Variants in FYCO1 observed in about 807,000 individuals in gnomAD.
FYCO1 encodes the protein FYVE and coiled-coil domain-containing protein 1.
Under a neutral mutation model 165.1 loss-of-function variants are expected in FYCO1, and 122 were observed. The observed-to-expected ratio is 0.74, with a 90% confidence interval of 0.64 to 0.86. The LOEUF is 0.86. Among genes scored for constraint, FYCO1 ranks in the 40% least tolerant of loss-of-function variants. FYCO1 has a pLI of 0.00. For synonymous variants in FYCO1, 648 were observed against 742.5 expected, an observed-to-expected ratio of 0.87 and a Z score of 2.07; for missense variants, 1,702 against 1,810.3, an observed-to-expected ratio of 0.94 and a Z score of 1.09.
chr3:45,986,337 C>T (rs767314319), intron 1 of FYCO1, among the ~76,000 whole-genome samples: 7 of 152,166 alleles, frequency 4.6e-5, no homozygotes, highest in African/African-American at 7.2e-5. Flanking sequence ...TGTTCTAACA[C>T]ATGCCACCTC....
chr3:45,971,239 G>T (rs1395849290), intron 6 of FYCO1, among the ~76,000 whole-genome samples: 1 of 152,010 alleles, frequency 6.6e-6, no homozygotes, highest in African/African-American at 2.4e-5. Flanking sequence ...TGGGGAAAAA[G>T]AAAAAGATCT....
At chr3:45,923,787 C>T (rs1703197336) in intron 16 of FYCO1, 22 bp from the exon 17 acceptor site, 2 of 1,511,502 alleles carry the variant, frequency 1.3e-6, no homozygotes, top group Middle Eastern at 1.7e-4. Flanking sequence ...AGCAGGTAGG[C>T]AAAAACATCA....
At chr3:45,980,698 T>C (rs993410248) in intron 3 of FYCO1, among the ~76,000 whole-genome samples, 1 of 152,232 alleles carries the variant, frequency 6.6e-6, no homozygotes, top group African/African-American at 2.4e-5. Context: ...GATGTGACGT[T>C]GCAAAATAAT....
intron 17 of FYCO1, among the ~76,000 whole-genome samples, chr3:45,922,247 G>C (rs1184466341): frequency 6.6e-6 from 1 of 152,258 alleles, no homozygotes; most frequent in Non-Finnish European, 1.5e-5. Flanking sequence ...GATATCCATA[G>C]TTTGGAAATC....
Position 45,967,603 on chromosome 3 carries a change from C to T in FYCO1, c.1731G>A (p.Val577=), listed in dbSNP as rs1706145675. ...AGEKNEALVP[V]NSSLQEAWGK... ...CCCAGGCCTCTTGCAGACTGGAGTT[C>T]ACAGGGACCAGGGCCTCATTCTTCT... is the stretch of plus-strand genomic sequence containing the variant. The change falls in exon 8 of 18, where the codon GTG becomes GTA. Residue 577 remains valine, a synonymous_variant. Transcript: ENST00000296137. 2.5e-6 allele frequency: 4 copies of T among 1,614,106 alleles called. No individual in the cohort carries two copies. Among genetic ancestry groups the T allele is most frequent in the East Asian group, 4.5e-5 (2 of 44,872 alleles).
chr3:45,966,158 C>T (rs1705997678), intron 8 of FYCO1, 119 bp downstream of exon 8: 2 of 1,027,228 alleles, frequency 1.9e-6, no homozygotes, highest in East Asian at 2.4e-5. Context: ...TGTTTGCCTG[C>T]ACCCACAGTA....
chr3:45,966,375 G>A lies in FYCO1; in HGVS notation c.2959C>T (p.Gln987Ter), dbSNP rs1706015206. The stretch of plus-strand genomic sequence containing the variant: ...GCCTCTTGGAGGCTCTGGGCCCGCT[G>A]CTCTGCCTGGGCGAGCTGGGCCTGC... Reference protein sequence around the residue: ...GLQAQLAQAEQRAQSLQEAAH... With the variant: ...GLQAQLAQAE The change falls in exon 8 of 18, where the codon CAG (glutamine) becomes TAG (stop). Residue 987 changes from glutamine to a stop codon, truncating the protein, a stop_gained. Coordinates refer to ENST00000296137, the MANE Select transcript of FYCO1 (RefSeq NM_024513.4). LOFTEE classifies it high-confidence loss of function. 6.2e-7 allele frequency: 1 copy of A among 1,614,134 alleles called. No individual in the cohort carries two copies. The highest frequency in any genetic ancestry group is 2.2e-5 in the East Asian group (1 of 44,884).
In FYCO1 at chr3:45,958,627, CA is replaced by C; in HGVS notation, c.3588-9del. 2 of 1,613,688 alleles carry C rather than the reference CA, an allele frequency of 1.2e-6. No individual in the cohort carries two copies. Among genetic ancestry groups the C allele is most frequent in the Non-Finnish European group, 1.7e-6 (2 of 1,179,548 alleles). On this transcript the variant is annotated splice_polypyrimidine_tract_variant and intron_variant, in intron 12 of 17. Transcript: ENST00000296137. ...AAGATGCGGCCACATATCCTGGGAA[CA>C]AAACAAGCCCAGGCTGTGAGGATGA...
rs1006117763 is a variant in FYCO1, at chr3:45,980,078, G to A, written c.163-248C>T. 2.6e-5 allele frequency among the ~76,000 whole-genome samples: 4 copies of A among 152,340 alleles called. No homozygotes were observed. The South Asian group carries it at 6.2e-4, about 24-fold the overall frequency. On this transcript the variant is annotated intron_variant, in intron 3 of 17. Coordinates refer to ENST00000296137, the MANE Select transcript of FYCO1 (RefSeq NM_024513.4). ...CAAGAAAAGAGTCTTGGCCATGTGC[G>A]GTGGCTCACGCTGGTAATCCAGCAC...
In FYCO1 at chr3:45,975,309, G is replaced by A. The variant is rs886058571; in HGVS notation, c.325C>T (p.Arg109Cys). Residue 109 changes from arginine to cysteine, a missense_variant, in exon 5 of 18, where the codon CGC becomes TGC. Arg to Cys is a radical substitution (Grantham distance 180). Coordinates refer to ENST00000296137, the MANE Select transcript of FYCO1 (RefSeq NM_024513.4). ...TSLGKGRAFI[R>C]YSLVHQRLAD... ...AACCTCTGGTGCACCAAGGAGTAGC[G>A]AATAAATGCTCTTCCTTTCCCCAAG... The A allele has an allele frequency of 1.1e-5, 17 of 1,614,056 alleles. No individual in the cohort carries two copies. Among genetic ancestry groups the A allele is most frequent in the East Asian group, 2.2e-5 (1 of 44,882 alleles).
Position 45,962,788 on chromosome 3 carries a change from C to T in FYCO1, c.3270-396G>A, listed in dbSNP as rs934075759. On this transcript the variant is annotated intron_variant, in intron 10 of 17. Coordinates refer to ENST00000296137, the MANE Select transcript of FYCO1 (RefSeq NM_024513.4). The surrounding 1 kb of genome is among the most constrained non-coding windows in gnomAD (Gnocchi z 4.4). The stretch of plus-strand genomic sequence containing the variant: ...AGAGGTGTAGCTTCCTGGAGGTGGC[C>T]ACACAGAGGAGGGCCTGTCTTCCAC... Among the ~76,000 whole-genome samples, 2 of 152,122 alleles carry T rather than the reference C, an allele frequency of 1.3e-5. No homozygotes were observed. Among genetic ancestry groups the T allele is most frequent in the Non-Finnish European group, 2.9e-5 (2 of 68,012 alleles).
intron 14 of FYCO1, among the ~76,000 whole-genome samples, chr3:45,939,339 A>G (rs1673334531): frequency 6.6e-6 from 1 of 152,194 alleles, no homozygotes; most frequent in Non-Finnish European, 1.5e-5. Context: ...AAGGCTCCAC[A>G]TTAGAAGCGA....
rs201278075 is a variant in FYCO1 at position 45,936,529 on chromosome 3, G to T, written c.3959C>A (p.Thr1320Asn). The T allele has an allele frequency of 1.7e-5, 27 of 1,612,076 alleles. No individual in the cohort carries two copies. Among genetic ancestry groups the T allele is most frequent in the Non-Finnish European group, 8.5e-6 (10 of 1,178,194 alleles). Reference sequence around the variant, plus strand: ...TTCAGTGTCCTCAGGCGTTAGCGAGGTTGATGTAGTATCCCTGAAATGTCA... The same window carrying T: ...TTCAGTGTCCTCAGGCGTTAGCGAGTTTGATGTAGTATCCCTGAAATGTCA... ...PNAAEQDTTS[T>N]SLTPEDTEDM... Residue 1320 changes from threonine to asparagine, a missense_variant, in exon 15 of 18, where the codon ACC becomes AAC. Physicochemically the swap from Thr to Asn is moderately conservative, Grantham distance 65. Transcript: ENST00000296137.
chr3:45,956,491 TG>T (rs1261688879), intron 13 of FYCO1, among the ~76,000 whole-genome samples: 1 of 152,090 alleles, frequency 6.6e-6, no homozygotes, highest in Non-Finnish European at 1.5e-5. Flanking sequence ...GCAAGAAAAA[TG>T]GTTCAGGTGA....
At chr3:45,951,353 C>T (rs1339457272) in intron 14 of FYCO1, among the ~76,000 whole-genome samples, 1 of 152,194 alleles carries the variant, frequency 6.6e-6, no homozygotes. Flanking sequence ...TTGTGGGCTG[C>T]ACTACCTAGA....
rs1434837123 is a variant in FYCO1, at chr3:45,973,206, A to G, written c.421T>C (p.Phe141Leu). The G allele has an allele frequency of 1.2e-6, 2 of 1,614,220 alleles. No homozygotes were observed. The highest frequency in any genetic ancestry group is 3.3e-5 in the Admixed American group (2 of 60,028). ...TCCGAGCTCAGCTTTGGCTGCAGAA[A>G]GGGGCTTCTTGCATAGTACCAGTCA... ...TSDWYYARSP[F>L]LQPKLSSDIV... is the part of the protein sequence containing the mutation. The change falls in exon 6 of 18, where the codon TTT becomes CTT. Residue 141 changes from phenylalanine to leucine, a missense_variant. Transcript: ENST00000296137.
intron 14 of FYCO1, among the ~76,000 whole-genome samples, chr3:45,954,469 G>C (rs929859573): frequency 6.6e-6 from 1 of 152,184 alleles, no homozygotes; most frequent in African/African-American, 2.4e-5. Context: ...CAGCAAGCCA[G>C]GTGGGTAGGT....
intron 8 of FYCO1, 60 bp from the exon 9 acceptor site, chr3:45,965,185 C>CAGAGCA: frequency 2.3e-6 from 3 of 1,316,796 alleles, no homozygotes; most frequent in Non-Finnish European, 3.3e-6. Context: ...GAGGATCCCT[C>CAGAGCA]AGCCCCCTCA....
intron 5 of FYCO1, among the ~76,000 whole-genome samples, chr3:45,974,896 G>A (rs1426100132): frequency 1.3e-5 from 2 of 152,196 alleles, no homozygotes; most frequent in Non-Finnish European, 2.9e-5. Context: ...CTGCTGAGAG[G>A]CCAAGGCTGT....
Sources: gnomAD v4.1 joint callset for allele counts (sites outside exome capture counted in the v4.1 genomes callset) on GRCh38, gnomAD v4.1.1 for gene constraint, Gnocchi (gnomAD v3.1) non-coding constraint, MANE v1.5 for transcripts, NCBI Gene and HGNC (gene_info 2026-07-23, HGNC 2026-07-21) for gene names.